Variants in SLC9A9 observed in about 807,000 individuals in gnomAD.
SLC9A9 encodes solute carrier family 9 member A9, also known as sodium/hydrogen exchanger 9.
A neutral mutation model predicts 77.8 loss-of-function variants in SLC9A9; 62 were observed. The observed-to-expected ratio is 0.80, with a 90% CI of 0.65 to 0.98. The LOEUF (loss-of-function observed/expected upper bound fraction) is 0.98. SLC9A9 is among the 50% of genes least tolerant of loss of function. The probability of loss-of-function intolerance (pLI) is 0.00; values close to 1 mark genes in which losing one functional copy is unlikely to be tolerated. For missense variants in SLC9A9, 775 were observed against 774.9 expected (o/e 1.00, Z 0.00); for synonymous variants, 320 against 283.5 (o/e 1.13, Z -1.29).
intron 13 of SLC9A9, among the ~76,000 whole-genome samples, chr3:143,378,965 CAA>C (rs1451081689): frequency 7.9e-5 from 12 of 151,708 alleles, no homozygotes; most frequent in African/African-American, 2.4e-4. Context: ...TTCACATTCC[CAA>C]AAGTTATTTT....
At position 143,596,947 on chromosome 3, in the gene SLC9A9, C is replaced by A. The variant is rs1292984715; in HGVS notation, c.756-18224G>T. 2.0e-5 allele frequency among the ~76,000 whole-genome samples: 3 copies of A among 152,196 alleles called. No individual in the cohort carries two copies. In the East Asian group the frequency reaches 5.8e-4, roughly 29 times the overall value. Reference sequence around the variant, plus strand: ...AAAGTGCTGGGATTACAGGTATGAGCCACCACACACCCAGACCTTGTATGA... The same window carrying A: ...AAAGTGCTGGGATTACAGGTATGAGACACCACACACCCAGACCTTGTATGA... On this transcript the variant is annotated intron_variant, in intron 6 of 15. Transcript: ENST00000316549.
intron 14 of SLC9A9, among the ~76,000 whole-genome samples, chr3:143,346,580 G>C (rs1450866001): frequency 6.6e-6 from 1 of 152,078 alleles, no homozygotes; most frequent in African/African-American, 2.4e-5. Context: ...TTGAGGTCAG[G>C]AGTTCGAGAC....
At chr3:143,688,054 C>T (rs563955134) in intron 5 of SLC9A9, among the ~76,000 whole-genome samples, 10 of 150,840 alleles carry the variant, frequency 6.6e-5, no homozygotes, top group African/African-American at 2.4e-4. Flanking sequence ...TCCTTCCTTC[C>T]TTCTTCCCTC....
chr3:143,411,982 G>A (rs1040325774), intron 12 of SLC9A9, among the ~76,000 whole-genome samples: 6 of 152,016 alleles, frequency 3.9e-5, no homozygotes, highest in African/African-American at 1.5e-4. Context: ...TCCAAACTGG[G>A]ACCAATACTG....
In SLC9A9 at chr3:143,516,984, G is replaced by A. The variant is rs1490697115; in HGVS notation, c.1090-21536C>T. 8 of 628,912 alleles carry A rather than the reference G, an allele frequency of 1.3e-5. No homozygotes were observed. In the Admixed American group the frequency reaches 1.3e-4, roughly 10 times the overall value. The allele number at this position is 628,912 out of a possible 1,614,324, so 39.0% of individuals were successfully genotyped here. On this transcript the variant is annotated intron_variant, in intron 9 of 15. Coordinates refer to ENST00000316549, the MANE Select transcript of SLC9A9 (RefSeq NM_173653.4). ...TATTATCTTATAATCATTTTAATTT[G>A]TAGTCCCTGATTAATAGTGAGTTTG...
At chr3:143,613,831 T>C (rs2038060857) in intron 6 of SLC9A9, among the ~76,000 whole-genome samples, 1 of 152,188 alleles carries the variant, frequency 6.6e-6, no homozygotes, top group Admixed American at 6.5e-5. Context: ...TACTGCTAAA[T>C]TGCTTTAGAC....
chr3:143,403,502 TA>T (rs904104337), intron 12 of SLC9A9, among the ~76,000 whole-genome samples: 2 of 152,144 alleles, frequency 1.3e-5, no homozygotes, highest in South Asian at 2.1e-4. Context: ...TTCCTTTCAT[TA>T]AAAAAAACTT....
intron 9 of SLC9A9, among the ~76,000 whole-genome samples, chr3:143,551,398 A>T (rs1444421000): frequency 1.3e-5 from 2 of 152,174 alleles, no homozygotes; most frequent in Non-Finnish European, 1.5e-5. Flanking sequence ...CTCTGCTGTC[A>T]CTGTATCCCA....
At chr3:143,400,376 G>A (rs186864086) in intron 12 of SLC9A9, among the ~76,000 whole-genome samples, 2 of 152,140 alleles carry the variant, frequency 1.3e-5, no homozygotes, top group African/African-American at 4.8e-5. Context: ...GGAATTAATG[G>A]CATCCGCAGG....
chr3:143,396,149 C>T (rs889718909), intron 12 of SLC9A9, among the ~76,000 whole-genome samples: 4 of 152,100 alleles, frequency 2.6e-5, no homozygotes, highest in South Asian at 2.1e-4. Flanking sequence ...CACATGCACA[C>T]GTATGTTTAT....
chr3:143,425,489 A>G (rs972139268), intron 12 of SLC9A9, among the ~76,000 whole-genome samples: 1 of 152,212 alleles, frequency 6.6e-6, no homozygotes, highest in Non-Finnish European at 1.5e-5. Flanking sequence ...CAATTAAAAC[A>G]ATGTACTGGC....
chr3:143,740,170 T>C (rs1935042241), intron 4 of SLC9A9, among the ~76,000 whole-genome samples: 1 of 152,228 alleles, frequency 6.6e-6, no homozygotes, highest in South Asian at 2.1e-4. Flanking sequence ...GATTAACTGT[T>C]GCTTCATGTA....
chr3:143,822,970 C>T (rs1006357828), intron 2 of SLC9A9, among the ~76,000 whole-genome samples: 7 of 149,036 alleles, frequency 4.7e-5, no homozygotes, highest in African/African-American at 1.7e-4. Flanking sequence ...ACAACCATCA[C>T]AGAGCACACA....
intron 6 of SLC9A9, among the ~76,000 whole-genome samples, chr3:143,632,270 G>C (rs759145856): frequency 5.3e-5 from 8 of 152,056 alleles, no homozygotes; most frequent in Non-Finnish European, 1.2e-4. Context: ...GGAATTTCTG[G>C]TTGACAAAAC....
intron 12 of SLC9A9, among the ~76,000 whole-genome samples, chr3:143,431,556 C>T (rs2034516736): frequency 1.3e-5 from 2 of 150,136 alleles, no homozygotes; most frequent in African/African-American, 4.9e-5. Flanking sequence ...AATCTTGGCT[C>T]CCTGCAAGCT....
chr3:143,375,494 G>T (rs546619501), intron 13 of SLC9A9, among the ~76,000 whole-genome samples: 1 of 152,256 alleles, frequency 6.6e-6, no homozygotes, highest in Admixed American at 6.5e-5. Flanking sequence ...TTACATTCTT[G>T]CCCTCTGTCA....
chr3:143,500,748 T>G (rs1301096220), intron 9 of SLC9A9, among the ~76,000 whole-genome samples: 1 of 151,068 alleles, frequency 6.6e-6, no homozygotes, highest in Non-Finnish European at 1.5e-5. Flanking sequence ...ATTTATAATG[T>G]TATAGTATAT....
At chr3:143,326,537 C>G (rs184241470) in intron 14 of SLC9A9, among the ~76,000 whole-genome samples, 1 of 152,080 alleles carries the variant, frequency 6.6e-6, no homozygotes, top group Admixed American at 6.5e-5. Flanking sequence ...CGTGCCCCCT[C>G]CCCCCAGGCC....
At chr3:143,722,893 G>T (rs890941170) in intron 4 of SLC9A9, among the ~76,000 whole-genome samples, 1 of 152,070 alleles carries the variant, frequency 6.6e-6, no homozygotes, top group African/African-American at 2.4e-5. Flanking sequence ...CAATAACTTG[G>T]CTGTCTCCTA....
Sources: allele counts gnomAD v4.1 joint callset (sites outside exome capture counted in the v4.1 genomes callset), GRCh38; gene constraint gnomAD v4.1.1; transcripts MANE v1.5; gene names NCBI Gene and HGNC (gene_info 2026-07-23, HGNC 2026-07-21).